NRXN3: variants seen among roughly 807,000 people sequenced by gnomAD.
The protein encoded by NRXN3 is neurexin 3.
Under a neutral mutation model 137.6 loss-of-function variants are expected in NRXN3, and 32 were observed. The observed-to-expected ratio is 0.23, with a 90% CI of 0.18 to 0.31. NRXN3 has a LOEUF of 0.31. NRXN3 is among the 10% of genes least tolerant of loss of function. The probability of loss-of-function intolerance (pLI) is 1.00; values close to 1 mark genes in which losing one functional copy is unlikely to be tolerated. For missense variants in NRXN3, 1,574 were observed against 2,062.5 expected, an observed-to-expected ratio of 0.76 and a Z score of 4.59; for synonymous variants, 798 against 784.5, an observed-to-expected ratio of 1.02 and a Z score of -0.29.
At chr14:79,158,437 G>A (rs1452469071) in intron 15 of NRXN3, among the ~76,000 whole-genome samples, 3 of 151,784 alleles carry the variant, frequency 2.0e-5, no homozygotes, top group African/African-American at 4.8e-5. Context: ...GAAGCTTCAG[G>A]TTTTTATGGC....
rs200572349 is a variant in NRXN3 at position 78,766,895 on chromosome 14, T to G, written c.2045-36725T>G. Among the ~76,000 whole-genome samples, 14 of 152,296 alleles carry G rather than the reference T, an allele frequency of 9.2e-5. No individual in the cohort carries two copies. In the East Asian group the frequency reaches 9.6e-4, roughly 10 times the overall value. On this transcript the variant is annotated intron_variant, in intron 8 of 20. Coordinates refer to ENST00000335750, the MANE Select transcript of NRXN3 (RefSeq NM_001330195.2). ...TTCATCATGGAGCTAGCATGATGAT[T>G]TACTAGGGAACATTTCTCTGGGTAT...
intron 16 of NRXN3, among the ~76,000 whole-genome samples, chr14:79,624,808 T>G (rs1361880391): frequency 2.1e-5 from 3 of 142,476 alleles, no homozygotes; most frequent in African/African-American, 8.0e-5. Flanking sequence ...TTTTTGTTTG[T>G]TTTTGTTTTT....
In NRXN3 at chr14:79,708,498, G is replaced by GTT. The variant is rs35950634; in HGVS notation, c.4014+10572_4014+10573dup. Among the ~76,000 whole-genome samples, 498 of 146,140 alleles carry GTT rather than the reference G, an allele frequency of 3.4e-3. 3 individuals are homozygous for GTT. The highest frequency in any genetic ancestry group is 8.8e-3 in the African/African-American group (354 of 40,098). Reference sequence around the variant, plus strand: ...TTCAATTTAAACTGAGGTAAGAATTGTTTTTTTTTTTTCTGAAAATATATG... The same window carrying GTT: ...TTCAATTTAAACTGAGGTAAGAATTGTTTTTTTTTTTTTTCTGAAAATATATG... On this transcript the variant is annotated intron_variant, in intron 19 of 20. Coordinates refer to ENST00000335750, the MANE Select transcript of NRXN3 (RefSeq NM_001330195.2).
At chr14:78,411,079 TGTTAG>T (rs367598704) in intron 4 of NRXN3, among the ~76,000 whole-genome samples, 250 of 152,254 alleles carry the variant, frequency 1.6e-3, no homozygotes, top group African/African-American at 5.2e-3. Context: ...TAAATGAAAA[TGTTAG>T]GTAGTTATGT....
chr14:79,401,718 T>C (rs1435932465), intron 15 of NRXN3, among the ~76,000 whole-genome samples: 1 of 152,122 alleles, frequency 6.6e-6, no homozygotes, highest in East Asian at 1.9e-4. Context: ...TTGTTCCAGG[T>C]GTTATATGAC....
chr14:78,556,486 G>C (rs140562909), intron 4 of NRXN3, among the ~76,000 whole-genome samples: 17 of 152,292 alleles, frequency 1.1e-4, no homozygotes, highest in African/African-American at 3.6e-4. Context: ...TCTTGGTGCT[G>C]AGACATATTG....
intron 10 of NRXN3, among the ~76,000 whole-genome samples, chr14:78,927,598 G>C (rs941679126): frequency 6.6e-6 from 1 of 152,084 alleles, no homozygotes; most frequent in African/African-American, 2.4e-5. Flanking sequence ...GAATTTCTGG[G>C]TCTGTATTTT....
At chr14:79,229,763 T>C (rs150678415) in intron 15 of NRXN3, among the ~76,000 whole-genome samples, 209 of 152,246 alleles carry the variant, frequency 1.4e-3, no homozygotes, top group African/African-American at 4.8e-3. Context: ...CGTGCGTCTC[T>C]GTCTTTTTCC....
intron 16 of NRXN3, among the ~76,000 whole-genome samples, chr14:79,483,606 A>G (rs533779795): frequency 6.6e-6 from 1 of 152,190 alleles, no homozygotes; most frequent in Non-Finnish European, 1.5e-5. Context: ...TGCAAGAGAA[A>G]AGCTGATATT....
intron 1 of NRXN3, among the ~76,000 whole-genome samples, chr14:78,214,471 C>T (rs2063055616): frequency 6.6e-6 from 1 of 152,036 alleles, no homozygotes; most frequent in African/African-American, 2.4e-5. Flanking sequence ...CTGATTTTTC[C>T]AATAGGCTAA....
chr14:79,696,465 T>A (rs2098735767), intron 18 of NRXN3, among the ~76,000 whole-genome samples: 1 of 151,950 alleles, frequency 6.6e-6, no homozygotes, highest in South Asian at 2.1e-4. Flanking sequence ...TCTTTCTTTT[T>A]TCCTTTCTTC....
intron 16 of NRXN3, among the ~76,000 whole-genome samples, chr14:79,599,483 A>T (rs1284546956): frequency 2.0e-5 from 3 of 151,700 alleles, no homozygotes; most frequent in African/African-American, 7.2e-5. Context: ...TAAATGTTAC[A>T]CCCCAACCTA....
chr14:78,835,011 A>G (rs745820232), intron 10 of NRXN3, among the ~76,000 whole-genome samples: 7 of 151,800 alleles, frequency 4.6e-5, no homozygotes, highest in African/African-American at 1.5e-4. Flanking sequence ...TGCTAAAGAC[A>G]TCCTAGCCTT....
At chr14:78,921,280 G>T (rs528332464) in intron 10 of NRXN3, among the ~76,000 whole-genome samples, 4 of 152,180 alleles carry the variant, frequency 2.6e-5, no homozygotes, top group Non-Finnish European at 4.4e-5. Context: ...CAAGGCACGG[G>T]GGATACAGTG....
chr14:79,508,351 CT>C (rs1236199227), intron 16 of NRXN3, among the ~76,000 whole-genome samples: 1 of 105,026 alleles, frequency 9.5e-6, no homozygotes, highest in Non-Finnish European at 2.0e-5. Context: ...TGGGGGATAT[CT>C]TTTTTATAAC....
intron 8 of NRXN3, among the ~76,000 whole-genome samples, chr14:78,771,165 A>G (rs2098726563): frequency 6.6e-6 from 1 of 152,164 alleles, no homozygotes; most frequent in Admixed American, 6.5e-5. Flanking sequence ...TCAGGCTCTA[A>G]TGGGCCTTGA....
At chr14:78,758,924 GTTT>G in intron 8 of NRXN3, among the ~76,000 whole-genome samples, 1 of 152,114 alleles carries the variant, frequency 6.6e-6, no homozygotes, top group African/African-American at 2.4e-5. Context: ...TTAATATTTA[GTTT>G]CATCTCCTTT....
chr14:79,256,773 A>G (rs1380205521), intron 15 of NRXN3, among the ~76,000 whole-genome samples: 3 of 152,214 alleles, frequency 2.0e-5, no homozygotes, highest in African/African-American at 7.2e-5. Flanking sequence ...AAGTCAACTT[A>G]ATTCTCTTAA....
At chr14:79,788,547 G>A (rs981194486) in intron 19 of NRXN3, among the ~76,000 whole-genome samples, 3 of 152,174 alleles carry the variant, frequency 2.0e-5, no homozygotes, top group Non-Finnish European at 2.9e-5. Flanking sequence ...GCATGAAGTA[G>A]ATGTCACTGA....
Sources: gnomAD v4.1 joint callset for allele counts (sites outside exome capture counted in the v4.1 genomes callset) on GRCh38, gnomAD v4.1.1 for gene constraint, MANE v1.5 for transcripts, NCBI Gene and HGNC (gene_info 2026-07-23, HGNC 2026-07-21) for gene names.